Variants in CFTR observed in about 807,000 individuals in gnomAD.
The protein encoded by CFTR is CF transmembrane conductance regulator.
Under a neutral mutation model 171.6 loss-of-function variants are expected in CFTR, and 181 were observed. The observed-to-expected ratio is 1.05, with a 90% confidence interval of 0.93 to 1.19. The LOEUF (loss-of-function observed/expected upper bound fraction) is 1.19, where lower values mean the gene tolerates loss of function less well. Among genes scored for constraint, CFTR ranks in the 50% most tolerant of loss-of-function variants. The pLI, the probability that CFTR is intolerant of heterozygous loss-of-function variation, is 0.00. For missense variants in CFTR, 1,968 were observed against 1,734.7 expected (o/e 1.13, Z -2.39); for synonymous variants, 583 against 608.0 (o/e 0.96, Z 0.60).
In CFTR at chr7:117,603,564, A is replaced by G; in HGVS notation, c.2690A>G (p.His897Arg). The change falls in exon 17 of 27, where the codon CAT (histidine) becomes CGT (arginine). Residue 897 changes from histidine (H) to arginine (R), a missense_variant. Transcript: ENST00000003084. ...CTTCAAGACAAAGGGAATAGTACTC[A>G]TAGTAGAAATAACAGCTATGCAGTG... ...TPLQDKGNST[H>R]SRNNSYAVII... 1 of 1,613,988 alleles carries G rather than the reference A, an allele frequency of 6.2e-7. No homozygotes were observed. Among genetic ancestry groups the G allele is most frequent in the Non-Finnish European group, 8.5e-7 (1 of 1,179,892 alleles).
chr7:117,491,553 C>T (rs991723410), intron 1 of CFTR, among the ~76,000 whole-genome samples: 1 of 152,020 alleles, frequency 6.6e-6, no homozygotes, highest in East Asian at 1.9e-4. Flanking sequence ...CCATGCCTTT[C>T]CCCTACCTTC....
intron 1 of CFTR, among the ~76,000 whole-genome samples, chr7:117,495,207 T>C (rs1393657772): frequency 6.6e-6 from 1 of 152,180 alleles, no homozygotes; most frequent in Non-Finnish European, 1.5e-5. Flanking sequence ...TAGTTAATCA[T>C]TCTTCTTTCT....
intron 15 of CFTR, among the ~76,000 whole-genome samples, chr7:117,597,137 T>G (rs1309962595): frequency 6.6e-6 from 1 of 152,208 alleles, no homozygotes; most frequent in African/African-American, 2.4e-5. Context: ...GCAATAAATT[T>G]TGCTACTGCT....
chr7:117,552,748 C>A (rs1799293618), intron 10 of CFTR, among the ~76,000 whole-genome samples: 1 of 152,096 alleles, frequency 6.6e-6, no homozygotes, highest in Non-Finnish European at 1.5e-5. Flanking sequence ...CCCCACCTCT[C>A]TTTTTATGTA....
At chr7:117,631,381 C>T (rs182766657) in intron 22 of CFTR, among the ~76,000 whole-genome samples, 1 of 152,200 alleles carries the variant, frequency 6.6e-6, no homozygotes, top group East Asian at 1.9e-4. Context: ...ATCAACCATA[C>T]CCCAGTTTCT....
intron 20 of CFTR, 93 bp from the exon 21 acceptor site, chr7:117,614,520 A>G: frequency 1.2e-6 from 1 of 814,092 alleles, no homozygotes; most frequent in Non-Finnish European, 2.2e-6. Context: ...TGTAAATTTA[A>G]TGTGATATGT....
At chr7:117,531,564 C>A (rs138099260) in intron 4 of CFTR, among the ~76,000 whole-genome samples, 3 of 152,228 alleles carry the variant, frequency 2.0e-5, no homozygotes, top group Admixed American at 1.3e-4. Flanking sequence ...GTAGTAGTAT[C>A]CACCGCCTTA....
intron 23 of CFTR, 120 bp from the exon 24 acceptor site, chr7:117,652,722 A>G (rs1793105972): frequency 6.6e-6 from 4 of 605,658 alleles, no homozygotes; most frequent in Admixed American, 2.9e-5. Flanking sequence ...TGGTAAGTAC[A>G]TGGGTGTTTC....
At chr7:117,595,207 A>G (rs1792102129) in intron 15 of CFTR, 149 bp downstream of exon 15, 8 of 565,856 alleles carry the variant, frequency 1.4e-5, no homozygotes, top group South Asian at 1.4e-4. Flanking sequence ...ATATATCACT[A>G]TATGTATATA....
intron 9 of CFTR, among the ~76,000 whole-genome samples, chr7:117,545,470 A>G (rs1228446325): frequency 6.6e-6 from 1 of 152,078 alleles, no homozygotes; most frequent in Non-Finnish European, 1.5e-5. Flanking sequence ...TCTTCCTTGA[A>G]CTTCATACAT....
intron 15 of CFTR, among the ~76,000 whole-genome samples, 156 bp from the exon 16 acceptor site, chr7:117,602,670 G>T (rs542928738): frequency 6.6e-6 from 1 of 152,274 alleles, no homozygotes; most frequent in South Asian, 2.1e-4. Context: ...TAGTACAGCT[G>T]CTGGACCCAG....
In CFTR at chr7:117,610,460, T is replaced by C; in HGVS notation, c.2989-59T>C. On this transcript the variant is annotated intron_variant, in intron 18 of 26. Transcript: ENST00000003084. ...AAAAGAAATAAATCACTGACACACT[T>C]TGTCCACTTTGCAATGTGAAAATGT... The C allele has an allele frequency of 3.4e-6, 5 of 1,461,414 alleles. No individual in the cohort carries two copies. In the South Asian group the frequency reaches 3.5e-5, roughly 10 times the overall value. The allele number at this position is 1,461,414 out of a possible 1,614,324, so 90.5% of individuals were successfully genotyped here. A position where few individuals can be genotyped will look rare whatever the true frequency, so the allele number is the denominator to read the frequency against.
intron 2 of CFTR, among the ~76,000 whole-genome samples, chr7:117,506,367 C>T (rs1225922311): frequency 6.6e-6 from 1 of 152,102 alleles, no homozygotes; most frequent in Non-Finnish European, 1.5e-5. Context: ...CTGCCTCAGC[C>T]TCTCGAGTAG....
chr7:117,654,289 C>T (rs952271392), intron 24 of CFTR, among the ~76,000 whole-genome samples: 2 of 152,170 alleles, frequency 1.3e-5, no homozygotes, highest in Admixed American at 6.5e-5. Context: ...TGGGCCTCTA[C>T]CTGGGCCCTG....
intron 18 of CFTR, among the ~76,000 whole-genome samples, chr7:117,607,241 A>C (rs1006832403): frequency 6.6e-6 from 1 of 152,150 alleles, no homozygotes; most frequent in African/African-American, 2.4e-5. Context: ...GACAGAAGCA[A>C]AGATAAGTTT....
At chr7:117,496,910 CTTTTTCTT>C (rs771065864) in intron 1 of CFTR, among the ~76,000 whole-genome samples, 5 of 150,332 alleles carry the variant, frequency 3.3e-5, no homozygotes, top group Non-Finnish European at 4.4e-5. Context: ...TTTTTTTTTT[CTTTTTCTT>C]TTTTTCTTTT....
chr7:117,594,982 C>CTGTATACCTTCGTAAT lies in CFTR; in HGVS notation c.2543_2544insTGTATACCTTCGTAAT (p.Tyr849ValfsTer52). The CTGTATACCTTCGTAAT allele has an allele frequency of 6.2e-7, 1 of 1,612,768 alleles. No individual in the cohort carries two copies. On this transcript the variant is annotated frameshift_variant, in exon 15 of 27. Transcript: ENST00000003084. LOFTEE classifies it high-confidence loss of function. Reference sequence around the variant, plus strand: ...ATACCAGCAGTGACTACATGGAACACATACCTTCGATATATTACTGTCCAC... The same window carrying CTGTATACCTTCGTAAT: ...ATACCAGCAGTGACTACATGGAACACTGTATACCTTCGTAATATACCTTCGATATATTACTGTCCAC...
rs1204521684 is a variant in CFTR, at chr7:117,540,180, T to C, written c.950T>C (p.Val317Ala). The change falls in exon 8 of 27, where the codon GTG (valine) becomes GCG (alanine). Residue 317 changes from valine (V) to alanine (A), a missense_variant. Coordinates refer to ENST00000003084, the MANE Select transcript of CFTR (RefSeq NM_000492.4). ...SSAFFFSGFF[V>A]VFLSVLPYAL... ...GCCTTCTTCTTCTCAGGGTTCTTTG[T>C]GGTGTTTTTATCTGTGCTTCCCTAT... 3 of 1,614,116 alleles carry C rather than the reference T, an allele frequency of 1.9e-6. No individual in the cohort carries two copies. The highest frequency in any genetic ancestry group is 1.7e-6 in the Non-Finnish European group (2 of 1,179,962).
Position 117,542,113 on chromosome 7 carries a change from G to A in CFTR, c.1209+5G>A. On this transcript the variant is annotated splice_donor_5th_base_variant and intron_variant, in intron 9 of 26. Transcript: ENST00000003084. ...GTAACAGCCTTCTGGGAGGAGGTCA[G>A]AATTTTTAAAAAATTGTTTGCTCTA... The A allele has an allele frequency of 6.6e-7, 1 of 1,520,794 alleles. No homozygotes were observed. Among genetic ancestry groups the A allele is most frequent in the Non-Finnish European group, 9.1e-7 (1 of 1,095,274 alleles). 94.2% of individuals were successfully genotyped at this position (1,520,794 alleles called of 1,614,324 possible). A position where few individuals can be genotyped will look rare whatever the true frequency, so the allele number is the denominator to read the frequency against.
Sources: allele counts gnomAD v4.1 joint callset (sites outside exome capture counted in the v4.1 genomes callset), GRCh38; gene constraint gnomAD v4.1.1; transcripts MANE v1.5; gene names NCBI Gene and HGNC (gene_info 2026-07-23, HGNC 2026-07-21).